TCF12: variants seen among roughly 807,000 people sequenced by gnomAD.
TCF12 encodes the protein DNA-binding protein HTF4.
In TCF12, 45 loss-of-function variants were observed where a neutral mutation model predicts 86.0. The observed-to-expected ratio is 0.52, with a 90% CI of 0.41 to 0.67. The LOEUF is 0.67. TCF12 is among the 30% of genes least tolerant of loss of function. TCF12 has a pLI of 0.00. For missense variants in TCF12, 881 were observed against 859.9 expected (o/e 1.02, Z -0.31); for synonymous variants, 330 against 299.6 (o/e 1.10, Z -1.05).
intron 5 of TCF12, among the ~76,000 whole-genome samples, chr15:57,160,416 A>G (rs1309867669): frequency 6.6e-6 from 1 of 152,038 alleles, no homozygotes. Flanking sequence ...TGGTTCGATT[A>G]CCTCCCACCA....
chr15:56,935,475 A>G (rs2060429621), intron 3 of TCF12, among the ~76,000 whole-genome samples: 1 of 151,832 alleles, frequency 6.6e-6, no homozygotes, highest in African/African-American at 2.4e-5. Context: ...TCTTTTTTTA[A>G]AAAAATTTTT....
At chr15:57,231,616 TAAAG>T (rs1358934179) in intron 9 of TCF12, among the ~76,000 whole-genome samples, 1 of 152,170 alleles carries the variant, frequency 6.6e-6, no homozygotes, top group Non-Finnish European at 1.5e-5. Context: ...ATTACCAATA[TAAAG>T]AAAGAGTGAA....
chr15:56,918,168 C>T, upstream of TCF12: 3 of 455,916 alleles, frequency 6.6e-6, no homozygotes, highest in Non-Finnish European at 1.3e-5. Flanking sequence ...GGACGGGAGC[C>T]TCTGGGCCCA....
intron 12 of TCF12, 44 bp from the exon 13 acceptor site, chr15:57,243,428 G>A (rs770109458): frequency 2.7e-6 from 4 of 1,495,106 alleles, no homozygotes; most frequent in Middle Eastern, 1.8e-4. Context: ...TGTATGTGCT[G>A]TTGTCACATG....
intron 6 of TCF12, among the ~76,000 whole-genome samples, chr15:57,177,541 G>A (rs1455200923): frequency 6.6e-6 from 1 of 150,400 alleles, no homozygotes; most frequent in African/African-American, 2.5e-5. Context: ...AAAGTGTTGG[G>A]ATTACAGGCG....
intron 3 of TCF12, among the ~76,000 whole-genome samples, chr15:56,943,906 C>T (rs1312315117): frequency 6.6e-6 from 1 of 152,106 alleles, no homozygotes; most frequent in Non-Finnish European, 1.5e-5. Context: ...ATTCCAGCGG[C>T]ATGAAGCTGG....
intron 5 of TCF12, among the ~76,000 whole-genome samples, chr15:57,143,249 T>C (rs533949758): frequency 6.9e-4 from 105 of 151,938 alleles, no homozygotes; most frequent in African/African-American, 2.5e-3. Flanking sequence ...TTTGGTAAAA[T>C]TCAAACAGGG....
chr15:56,976,195 A>G (rs926797323), intron 3 of TCF12, among the ~76,000 whole-genome samples: 1 of 150,730 alleles, frequency 6.6e-6, no homozygotes. Context: ...GTACCGTTGG[A>G]CAACTAAATA....
intron 5 of TCF12, among the ~76,000 whole-genome samples, chr15:57,093,310 T>C (rs536614054): frequency 6.6e-6 from 1 of 152,268 alleles, no homozygotes; most frequent in Admixed American, 6.5e-5. Flanking sequence ...CCTTTCGGAG[T>C]ACAACTTTTC....
chr15:57,175,082 A>C (rs1418030684), intron 6 of TCF12, among the ~76,000 whole-genome samples: 1 of 152,228 alleles, frequency 6.6e-6, no homozygotes, highest in Non-Finnish European at 1.5e-5. Context: ...CAAAGGACTG[A>C]TATACAGGAT....
chr15:57,170,667 AT>A (rs1221860307), intron 6 of TCF12, among the ~76,000 whole-genome samples: 15 of 19,660 alleles, frequency 7.6e-4, no homozygotes, highest in Non-Finnish European at 1.1e-3. Context: ...TAAAATATAT[AT>A]ATATATAATA....
intron 6 of TCF12, among the ~76,000 whole-genome samples, chr15:57,180,977 C>G (rs1382536117): frequency 1.3e-5 from 2 of 151,524 alleles, no homozygotes; most frequent in South Asian, 2.1e-4. Flanking sequence ...ACCACGCCCG[C>G]CTAATTTTTT....
At chr15:57,024,942 A>G (rs1033964934) in intron 3 of TCF12, among the ~76,000 whole-genome samples, 2 of 152,244 alleles carry the variant, frequency 1.3e-5, no homozygotes, top group African/African-American at 4.8e-5. Flanking sequence ...GTTTAAAGGT[A>G]GTCAAGGTAA....
chr15:56,921,024 A>G lies in TCF12; in HGVS notation c.76-2A>G. On this transcript the variant is annotated splice_acceptor_variant, in intron 2 of 20. Coordinates refer to ENST00000333725, the MANE Select transcript of TCF12 (RefSeq NM_207037.2). LOFTEE classifies it high-confidence loss of function. ...AACAGATATATTTGGGTTATTTTGC[A>G]GATGTTTTCCCCACCTGTTAATAGT... 6.3e-7 allele frequency: 1 copy of G among 1,591,672 alleles called. No individual in the cohort carries two copies. The highest frequency in any genetic ancestry group is 8.6e-7 in the Non-Finnish European group (1 of 1,169,174).
At chr15:56,926,338 T>G (rs568819415) in intron 3 of TCF12, among the ~76,000 whole-genome samples, 2 of 151,584 alleles carry the variant, frequency 1.3e-5, no homozygotes, top group South Asian at 4.2e-4. Flanking sequence ...GTGGAGAAAT[T>G]TATTATTTTG....
intron 5 of TCF12, among the ~76,000 whole-genome samples, chr15:57,108,477 C>G (rs928603587): frequency 3.3e-5 from 5 of 152,082 alleles, no homozygotes; most frequent in Non-Finnish European, 7.4e-5. Context: ...GTCCCTTTTT[C>G]TCCCCTAAAA....
chr15:57,049,724 G>T (rs1457060838), intron 3 of TCF12, among the ~76,000 whole-genome samples: 1 of 152,134 alleles, frequency 6.6e-6, no homozygotes, highest in African/African-American at 2.4e-5. Context: ...CCGTGAACTG[G>T]AATTTCTAGG....
chr15:56,991,869 G>T (rs1415639086), intron 3 of TCF12, among the ~76,000 whole-genome samples: 1 of 151,976 alleles, frequency 6.6e-6, no homozygotes, highest in African/African-American at 2.4e-5. Flanking sequence ...TTAACCATCA[G>T]GGTATAGAAA....
At chr15:57,225,742 T>C (rs893934825) in intron 8 of TCF12, among the ~76,000 whole-genome samples, 4 of 152,324 alleles carry the variant, frequency 2.6e-5, no homozygotes, top group African/African-American at 9.6e-5. Flanking sequence ...TTTACTCTTC[T>C]TAAAAGAGCC....
Sources: gnomAD v4.1 joint callset for allele counts (sites outside exome capture counted in the v4.1 genomes callset) on GRCh38, gnomAD v4.1.1 for gene constraint, MANE v1.5 for transcripts, NCBI Gene and HGNC (gene_info 2026-07-23, HGNC 2026-07-21) for gene names.